ETS2: variants seen among roughly 807,000 people sequenced by gnomAD.
The protein encoded by ETS2 is ETS proto-oncogene 2, transcription factor, also known as protein C-ets-2.
In ETS2, 19 loss-of-function variants were observed where a neutral mutation model predicts 54.9. The observed-to-expected ratio is 0.35, with a 90% confidence interval of 0.24 to 0.51. ETS2 has a LOEUF of 0.51. Among genes scored for constraint, ETS2 ranks in the 20% least tolerant of loss-of-function variants. The pLI is 0.97. For synonymous variants in ETS2, 219 were observed against 229.3 expected (o/e 0.95, Z 0.41); for missense variants, 417 against 593.0 (o/e 0.70, Z 3.08).
chr21:38,820,813 G>A (rs936076624), intron 8 of ETS2, among the ~76,000 whole-genome samples: 2 of 152,230 alleles, frequency 1.3e-5, no homozygotes, highest in African/African-American at 4.8e-5. Context: ...GGTAGAAAGA[G>A]GTTGGGCTTA....
chr21:38,822,255 G>A (rs1388691933), intron 9 of ETS2, among the ~76,000 whole-genome samples: 1 of 152,210 alleles, frequency 6.6e-6, no homozygotes, highest in Non-Finnish European at 1.5e-5. Context: ...CCCGCCTCCA[G>A]TTCCCTTGGG....
intron 2 of ETS2, among the ~76,000 whole-genome samples, chr21:38,811,120 G>A (rs576925427): frequency 2.0e-5 from 3 of 151,784 alleles, no homozygotes; most frequent in Non-Finnish European, 2.9e-5. Flanking sequence ...AGAAGCAGTC[G>A]TTGCTGAAAT....
chr21:38,808,199 T>G (rs2060900660), intron 1 of ETS2, among the ~76,000 whole-genome samples: 1 of 152,212 alleles, frequency 6.6e-6, no homozygotes, highest in African/African-American at 2.4e-5. Flanking sequence ...TTGTCCATGT[T>G]GCTGGGCCTC....
chr21:38,815,193 T>TGC (rs5843933), intron 5 of ETS2, among the ~76,000 whole-genome samples: 2 of 131,242 alleles, frequency 1.5e-5, no homozygotes, highest in Non-Finnish European at 3.5e-5. Context: ...TGTGTGTGTG[T>TGC]GTGTGTGTGT....
intron 1 of ETS2, chr21:38,809,802 G>A (rs555006830): frequency 2.5e-6 from 1 of 392,240 alleles, no homozygotes; most frequent in African/African-American, 2.1e-5. Flanking sequence ...ATTCAGTGAG[G>A]AATCAGCATT....
intron 1 of ETS2, among the ~76,000 whole-genome samples, chr21:38,809,214 G>A (rs938465839): frequency 1.3e-5 from 2 of 152,166 alleles, no homozygotes; most frequent in African/African-American, 4.8e-5. Context: ...GTCTTTGAGA[G>A]CTAGTGTGTA....
At chr21:38,813,203 G>A (rs1601426889) in intron 3 of ETS2, 89 bp downstream of exon 3, 1 of 847,842 alleles carries the variant, frequency 1.2e-6, no homozygotes, top group South Asian at 1.4e-5. Context: ...AGTGAGAAAT[G>A]TTGGTATCTG....
Position 38,821,748 on chromosome 21 carries a change from T to C in ETS2, c.1194+44T>C. 7.1e-7 allele frequency: 1 copy of C among 1,406,076 alleles called. No individual in the cohort carries two copies. Among genetic ancestry groups the C allele is most frequent in the Non-Finnish European group, 1.0e-6 (1 of 992,502 alleles). The allele number at this position is 1,406,076 out of a possible 1,614,324, so 87.1% of individuals were successfully genotyped here. On this transcript the variant is annotated intron_variant, in intron 9 of 9. Coordinates refer to ENST00000360938, the MANE Select transcript of ETS2 (RefSeq NM_005239.6). This position sits in a 1 kb window ranked among gnomAD's most constrained non-coding sequence, Gnocchi z 4.2. ...GAAATCTCTGGGCTTGAAAACCTGA[T>C]TTCCTGCTTGCATTCAAAAACTCAG...
In ETS2 at chr21:38,808,590, ATGTG is replaced by A. The variant is rs56269044; in HGVS notation, c.1-1421_1-1418del. Among the ~76,000 whole-genome samples the A allele has an allele frequency of 0.022, 3,277 of 148,330 alleles. 292 individuals carry two copies. In the East Asian group the frequency reaches 0.32, roughly 15 times the overall value. ...TTTTAGCCAAGAGGGGTGTGTGTGT[ATGTG>A]TGTGTGTGTGTGTGTGTGTGTGTTG... On this transcript the variant is annotated intron_variant, in intron 1 of 9. Coordinates refer to ENST00000360938, the MANE Select transcript of ETS2 (RefSeq NM_005239.6).
Position 38,815,702 on chromosome 21 carries a change from G to A in ETS2, c.505+721G>A, listed in dbSNP as rs79652204. Among the ~76,000 whole-genome samples, 310 of 151,470 alleles carry A rather than the reference G, an allele frequency of 2.0e-3. 1 individual carries two copies. Among genetic ancestry groups the A allele is most frequent in the Non-Finnish European group, 3.8e-3 (256 of 67,888 alleles). Reference sequence around the variant, plus strand: ...TCCCAGCACTTTGGGAGGCGGAGGCGGGCAGATTACTTGAGGTTAGGAGTT... The same window carrying A: ...TCCCAGCACTTTGGGAGGCGGAGGCAGGCAGATTACTTGAGGTTAGGAGTT... On this transcript the variant is annotated intron_variant, in intron 5 of 9. Transcript: ENST00000360938.
At chr21:38,809,886 A>G (rs1235413737) in intron 1 of ETS2, 149 bp from the exon 2 acceptor site, 7 of 582,674 alleles carry the variant, frequency 1.2e-5, no homozygotes, top group Non-Finnish European at 1.8e-5. Context: ...CTTTGGGAGG[A>G]CAGCCATTTA....
chr21:38,807,156 T>C (rs953549950), intron 1 of ETS2, among the ~76,000 whole-genome samples: 2 of 152,206 alleles, frequency 1.3e-5, no homozygotes, highest in Non-Finnish European at 2.9e-5. Context: ...GCACCGACCA[T>C]CCGCAGGGAA....
chr21:38,810,077 G>A lies in ETS2; in HGVS notation c.43G>A (p.Val15Met), dbSNP rs115148137. Residue 15 changes from valine to methionine, a missense_variant, in exon 2 of 10, where the codon GTG (valine) becomes ATG (methionine). Physicochemically the swap from Val to Met is conservative, Grantham distance 21. Around this residue, in one of 3 missense-constraint regions of ETS2, gnomAD observed 326 missense variants for 426.1 expected, o/e 0.76. Coordinates refer to ENST00000360938, the MANE Select transcript of ETS2 (RefSeq NM_005239.6). ...GIKNMDQVAP[V>M]ANSYRGTLKR... is the part of the protein sequence containing the mutation. ...CAAGAATATGGACCAGGTAGCCCCT[G>A]TGGCTAACAGTTACAGAGGGACACT... is the stretch of plus-strand genomic sequence containing the variant. The A allele has an allele frequency of 1.3e-6, 2 of 1,557,632 alleles. No individual in the cohort carries two copies. The highest frequency in any genetic ancestry group is 2.4e-5 in the East Asian group (1 of 41,056).
rs2060956426 is a variant in ETS2, at chr21:38,821,134, T to A, written c.1076-452T>A. Among the ~76,000 whole-genome samples the A allele has an allele frequency of 6.6e-6, 1 of 152,148 alleles. No homozygotes were observed. The highest frequency in any genetic ancestry group is 6.5e-5 in the Admixed American group (1 of 15,274). ...CAGGAAGGTGGCATGGGATCCCACG[T>A]ATGACACGCCTCATTCTGTGATGAA... On this transcript the variant is annotated intron_variant, in intron 8 of 9. Coordinates refer to ENST00000360938, the MANE Select transcript of ETS2 (RefSeq NM_005239.6). This position sits in a 1 kb window ranked among gnomAD's most constrained non-coding sequence, Gnocchi z 4.2.
upstream of ETS2, chr21:38,805,260 G>A: frequency 9.4e-7 from 1 of 1,062,998 alleles, no homozygotes; most frequent in Non-Finnish European, 1.2e-6. The surrounding 1 kb of genome is among the most constrained non-coding windows in gnomAD (Gnocchi z 5.2). Flanking sequence ...GACACAGCCA[G>A]GGCCCGGTTT....
In ETS2 at chr21:38,814,989, C is replaced by G. The variant is rs1184449403; in HGVS notation, c.505+8C>G. ...TGGAGCAAATGATCAAAGGTACCAG[C>G]TGAACGTCTTACTTCTCCTTGTCCA... On this transcript the variant is annotated splice_region_variant and intron_variant, in intron 5 of 9. Coordinates refer to ENST00000360938, the MANE Select transcript of ETS2 (RefSeq NM_005239.6). This position sits in a 1 kb window ranked among gnomAD's most constrained non-coding sequence, Gnocchi z 4.2. 1 of 1,613,138 alleles carries G rather than the reference C, an allele frequency of 6.2e-7. No individual in the cohort carries two copies.
In ETS2 at chr21:38,823,163, G is replaced by A. The variant is rs1443922543; in HGVS notation, c.*274G>A. The A allele has an allele frequency of 1.6e-5, 5 of 308,846 alleles. No homozygotes were observed. In the East Asian group the frequency reaches 1.6e-4, roughly 10 times the overall value. The allele number at this position is 308,846 out of a possible 1,614,324, so 19.1% of individuals were successfully genotyped here. ...AAGCCGTCCTGGCGCCTGGCAGTCC[G>A]TGGGACGGGATGGTTCTGGCTGTTT... On this transcript the variant is annotated 3_prime_UTR_variant, in exon 10 of 10. Transcript: ENST00000360938.
At chr21:38,805,740 C>G, upstream of ETS2, 1 of 888,846 alleles carries the variant, frequency 1.1e-6, no homozygotes, top group South Asian at 1.7e-5. The surrounding 1 kb of genome is among the most constrained non-coding windows in gnomAD (Gnocchi z 5.2). Flanking sequence ...GCCCCCTTCC[C>G]TCTCCTCCCG....
At position 38,819,773 on chromosome 21, in the gene ETS2, GTGGAAC is replaced by G; in HGVS notation, c.1075+9_1075+14del. The G allele has an allele frequency of 6.2e-7, 1 of 1,609,842 alleles. No individual in the cohort carries two copies. On this transcript the variant is annotated splice_region_variant and intron_variant, in intron 8 of 9. Transcript: ENST00000360938. ...GTGCTGGCCGGCTTCACAGGTGTGT[GTGGAAC>G]TCCGAGAGCCTGGCCGCCCAGTCTC... is the stretch of plus-strand genomic sequence containing the variant.
Sources: allele counts gnomAD v4.1 joint callset (sites outside exome capture counted in the v4.1 genomes callset), GRCh38; gene constraint gnomAD v4.1.1; regional missense constraint gnomAD v4.1.1; non-coding constraint Gnocchi (gnomAD v3.1); transcripts MANE v1.5; gene names NCBI Gene and HGNC (gene_info 2026-07-23, HGNC 2026-07-21).